The following UGT2B11 variants were observed in gnomAD, a reference collection of about 807,000 sequenced individuals.
UGT2B11 encodes the protein UDP-glucuronosyltransferase 2B11.
Under a neutral mutation model 51.7 loss-of-function variants are expected in UGT2B11, and 49 were observed. That is an observed-to-expected ratio of 0.95 (90% CI 0.75 to 1.20). The LOEUF is 1.20. UGT2B11 is among the 50% of genes most tolerant of loss of function. UGT2B11 has a pLI of 0.00. For synonymous variants in UGT2B11, 273 were observed against 209.0 expected (o/e 1.31, Z -2.64); for missense variants, 810 against 622.1 (o/e 1.30, Z -3.21).
chr4:69,212,522 T>C, intron 2 of UGT2B11, 51 bp downstream of exon 2: 1 of 1,586,974 alleles, frequency 6.3e-7, no homozygotes. Context: ...TAGACTCATT[T>C]CTACTGAAAC....
At chr4:69,209,898 A>T (rs1320489726) in intron 2 of UGT2B11, among the ~76,000 whole-genome samples, 1 of 151,650 alleles carries the variant, frequency 6.6e-6, no homozygotes, top group African/African-American at 2.4e-5. Flanking sequence ...AATAATACAA[A>T]ATTAATGTAA....
rs775150425 is a variant in UGT2B11 at position 69,208,412 on chromosome 4, C to A, written c.941G>T (p.Ser314Ile). 1 of 1,610,572 alleles carries A rather than the reference C, an allele frequency of 6.2e-7. No homozygotes were observed. The highest frequency in any genetic ancestry group is 1.3e-5 in the African/African-American group (1 of 74,544). ...VVVFSLGSVI[S>I]NMTAERANVI... The stretch of plus-strand genomic sequence containing the variant: ...ATTGGCCCTTTCTGCTGTCATGTTA[C>A]TTATCACTGACCCCAGAGAAAACAC... Residue 314 changes from serine to isoleucine, a missense_variant, in exon 3 of 6, where the codon AGT (serine) becomes ATT (isoleucine). Coordinates refer to ENST00000446444, the MANE Select transcript of UGT2B11 (RefSeq NM_001073.3).
At chr4:69,218,921 T>C (rs1560543767), upstream of UGT2B11, among the ~76,000 whole-genome samples, 1 of 152,174 alleles carries the variant, frequency 6.6e-6, no homozygotes, top group Non-Finnish European at 1.5e-5. Context: ...CTTGAAGGTA[T>C]GGAGCCCCAT....
intron 5 of UGT2B11, among the ~76,000 whole-genome samples, chr4:69,202,438 G>A (rs1471728580): frequency 6.6e-6 from 1 of 151,544 alleles, no homozygotes; most frequent in Non-Finnish European, 1.5e-5. Flanking sequence ...TTTCCAATAT[G>A]GCTGGATCAT....
rs151270111 is a variant in UGT2B11, at chr4:69,205,545, T to C, written c.1025A>G (p.Asn342Ser). 1,433 of 1,610,400 alleles carry C rather than the reference T, an allele frequency of 8.9e-4. 3 individuals carry two copies. The highest frequency in any genetic ancestry group is 1.0e-3 in the Non-Finnish European group (1,234 of 1,177,816). The change falls in exon 4 of 6, where the codon AAT becomes AGT. Residue 342 changes from asparagine to serine, a missense_variant. Coordinates refer to ENST00000446444, the MANE Select transcript of UGT2B11 (RefSeq NM_001073.3). ...PQKVLWRFDGNKPDALGLNTR... is the reference protein window; with the variant it reads ...PQKVLWRFDGSKPDALGLNTR... ...ATTGAGACCTAAGGCATCTGGTTTA[T>C]TCCCGTCAAATCTCCACAGAACCTG...
upstream of UGT2B11, among the ~76,000 whole-genome samples, chr4:69,218,004 A>T (rs1722317736): frequency 6.6e-6 from 1 of 152,060 alleles, no homozygotes; most frequent in African/African-American, 2.4e-5. Flanking sequence ...ACCTCCTAAA[A>T]GGTTCTGTCT....
chr4:69,212,890 C>T (rs1469173937), intron 1 of UGT2B11, among the ~76,000 whole-genome samples, 169 bp from the exon 2 acceptor site: 2 of 150,432 alleles, frequency 1.3e-5, no homozygotes, highest in East Asian at 1.9e-4. Flanking sequence ...TATATTTTGT[C>T]CATGTTTATT....
At chr4:69,201,626 G>C (rs932417716) in intron 5 of UGT2B11, among the ~76,000 whole-genome samples, 2 of 151,636 alleles carry the variant, frequency 1.3e-5, no homozygotes, top group South Asian at 2.1e-4. Context: ...TGCTCTTGGA[G>C]TATTCTTTCT....
intron 5 of UGT2B11, among the ~76,000 whole-genome samples, chr4:69,203,562 C>A (rs1721741347): frequency 6.6e-6 from 1 of 151,520 alleles, no homozygotes; most frequent in Admixed American, 6.6e-5. Flanking sequence ...TCCTAGTAGC[C>A]ACAATTGGAA....
At chr4:69,208,878 C>T (rs1721956600) in intron 2 of UGT2B11, among the ~76,000 whole-genome samples, 1 of 151,560 alleles carries the variant, frequency 6.6e-6, no homozygotes. Flanking sequence ...TCTACTAAAT[C>T]ACTTGTGTTT....
chr4:69,208,217 G>A, intron 3 of UGT2B11, 134 bp downstream of exon 3: 3 of 1,499,072 alleles, frequency 2.0e-6, no homozygotes, highest in South Asian at 1.3e-5. Flanking sequence ...GTTGGTGGAA[G>A]CAACATAAGC....
the UGT2B11 span, among the ~76,000 whole-genome samples, chr4:69,224,159 A>C: frequency 3.9e-3 from 591 of 152,280 alleles, 6 homozygotes; most frequent in African/African-American, 0.014. Context: ...TAAATAGAGA[A>C]TCTTCATCCT....
chr4:69,212,366 C>G (rs114398121), intron 2 of UGT2B11, among the ~76,000 whole-genome samples: 3,412 of 151,652 alleles, frequency 0.022, 66 homozygotes, highest in Middle Eastern at 0.088. Context: ...AGTCTCCTTA[C>G]TATTCCTCTC....
At chr4:69,220,951 A>T in the UGT2B11 span, among the ~76,000 whole-genome samples, 317 of 152,258 alleles carry the variant, frequency 2.1e-3, 1 homozygote, top group South Asian at 0.026. Context: ...AATTCTCGTG[A>T]TAATTTATAA....
Position 69,205,730 on chromosome 4 carries a change from A to G in UGT2B11, c.1003-163T>C, listed in dbSNP as rs1329769036. 44 of 834,244 alleles carry G rather than the reference A, an allele frequency of 5.3e-5. 1 individual carries two copies. Among genetic ancestry groups the G allele is most frequent in the South Asian group, 2.5e-4 (11 of 43,200 alleles). 51.7% of individuals were successfully genotyped at this position (834,244 alleles called of 1,614,324 possible). On this transcript the variant is annotated intron_variant, in intron 3 of 5. Coordinates refer to ENST00000446444, the MANE Select transcript of UGT2B11 (RefSeq NM_001073.3). ...CTCACATTTTATTTTCTTAACTTTT[A>G]TAATGATTTAGATATATAAGAAACC... is the stretch of plus-strand genomic sequence containing the variant.
intron 3 of UGT2B11, chr4:69,205,775 C>G (rs1721832279): frequency 1.9e-6 from 1 of 520,508 alleles, no homozygotes; most frequent in African/African-American, 2.0e-5. Context: ...CAAAACAGTA[C>G]CATAGAAAAA....
At position 69,205,533 on chromosome 4, in the gene UGT2B11, G is replaced by T. The variant is rs143304000; in HGVS notation, c.1037C>A (p.Ala346Asp). Residue 346 changes from alanine to aspartate, a missense_variant, in exon 4 of 6, where the codon GCC becomes GAC. Physicochemically the swap from Ala to Asp is moderately radical, Grantham distance 126 (BLOSUM62 -2). Coordinates refer to ENST00000446444, the MANE Select transcript of UGT2B11 (RefSeq NM_001073.3). ...LWRFDGNKPDALGLNTRLYKW... is the reference protein window; with the variant it reads ...LWRFDGNKPDDLGLNTRLYKW... ...GTACAGCCGAGTATTGAGACCTAAG[G>T]CATCTGGTTTATTCCCGTCAAATCT... 7 of 1,610,492 alleles carry T rather than the reference G, an allele frequency of 4.3e-6. No homozygotes were observed. The highest frequency in any genetic ancestry group is 4.5e-5 in the East Asian group (2 of 44,688).
intron 5 of UGT2B11, among the ~76,000 whole-genome samples, chr4:69,203,119 A>G (rs557023106): frequency 6.6e-6 from 1 of 151,892 alleles, no homozygotes; most frequent in South Asian, 2.1e-4. Context: ...TAAAAAGTAT[A>G]TATCTGATTT....
In UGT2B11 at chr4:69,212,710, T is replaced by G; in HGVS notation, c.733A>C (p.Thr245Pro). ...FYSEVLGRPT[T>P]LFETMGKADI... ...GCTTTTCCCATTGTCTCAAATAAGG[T>G]AGTGGGTCTTCCTGACAGGAATAAA... The change falls in exon 2 of 6, where the codon ACC (threonine) becomes CCC (proline). Residue 245 changes from threonine (T) to proline (P), a missense_variant. Transcript: ENST00000446444. 6.2e-7 allele frequency: 1 copy of G among 1,606,500 alleles called. No individual in the cohort carries two copies.
Sources: gnomAD v4.1 joint callset for allele counts (sites outside exome capture counted in the v4.1 genomes callset) on GRCh38, gnomAD v4.1.1 for gene constraint, MANE v1.5 for transcripts, NCBI Gene and HGNC (gene_info 2026-07-23, HGNC 2026-07-21) for gene names.